The following TIAM1 variants were observed in gnomAD, a reference collection of about 807,000 sequenced individuals.
TIAM1 encodes rho guanine nucleotide exchange factor TIAM1.
In TIAM1, 65 loss-of-function variants were observed where a neutral mutation model predicts 163.5. The observed-to-expected ratio is 0.40, with a 90% CI of 0.33 to 0.49. The LOEUF is 0.49. Among genes scored for constraint, TIAM1 ranks in the 20% least tolerant of loss-of-function variants. The pLI is 0.77. For missense variants in TIAM1, 1,789 were observed against 2,044.7 expected (o/e 0.87, Z 2.41); for synonymous variants, 833 against 810.1 (o/e 1.03, Z -0.48).
intron 1 of TIAM1, among the ~76,000 whole-genome samples, chr21:31,499,201 A>G (rs955233149): frequency 6.6e-6 from 1 of 152,106 alleles, no homozygotes; most frequent in African/African-American, 2.4e-5. Context: ...GGGATGGGGA[A>G]GGTCCTCACC....
At position 31,120,174 on chromosome 21, in the gene TIAM1, T is replaced by C. The variant is rs2070409; in HGVS notation, c.*194A>G. ...GATAGGACTCAAGCTTATTTGGGATTCTGATCAATTCTTTCTGATGTTGTT... is the reference window on the plus strand; with the variant it reads ...GATAGGACTCAAGCTTATTTGGGATCCTGATCAATTCTTTCTGATGTTGTT... On this transcript the variant is annotated 3_prime_UTR_variant, in exon 28 of 28. Transcript: ENST00000541036. The surrounding 1 kb of genome is among the most constrained non-coding windows in gnomAD (Gnocchi z 4.2). 265,035 of 558,646 alleles carry C rather than the reference T, an allele frequency of 0.47. 65,031 individuals are homozygous for C. Among genetic ancestry groups the C allele is most frequent in the East Asian group, 0.68 (23,492 of 34,476 alleles). 34.6% of individuals were successfully genotyped at this position (558,646 alleles called of 1,614,324 possible).
At chr21:31,245,738 T>C in intron 5 of TIAM1, 78 bp from the exon 6 acceptor site, 2 of 1,254,628 alleles carry the variant, frequency 1.6e-6, no homozygotes, top group Non-Finnish European at 2.0e-6. Flanking sequence ...ACCTAACATG[T>C]GCACCCTGTC....
intron 16 of TIAM1, among the ~76,000 whole-genome samples, chr21:31,159,322 G>C (rs2083783958): frequency 6.6e-6 from 1 of 152,078 alleles, no homozygotes; most frequent in African/African-American, 2.4e-5. Context: ...TCCTCCTGTG[G>C]AAGATGAAAA....
intron 2 of TIAM1, among the ~76,000 whole-genome samples, chr21:31,438,146 CCA>C (rs2044278530): frequency 6.7e-6 from 1 of 149,222 alleles, no homozygotes; most frequent in South Asian, 2.1e-4. Flanking sequence ...TGTTACTAGG[CCA>C]CACATACATA....
At chr21:31,492,814 C>T (rs1024839111) in intron 1 of TIAM1, among the ~76,000 whole-genome samples, 2 of 125,052 alleles carry the variant, frequency 1.6e-5, no homozygotes, top group African/African-American at 3.4e-5. Flanking sequence ...CACACACACA[C>T]ACACACACAC....
At chr21:31,277,695 G>A (rs373078628) in intron 2 of TIAM1, among the ~76,000 whole-genome samples, 19 of 151,712 alleles carry the variant, frequency 1.3e-4, no homozygotes, top group African/African-American at 4.4e-4. Context: ...AGCAACCCTC[G>A]GGGCTGCTCT....
In TIAM1 at chr21:31,118,714, TACA is replaced by T. The variant is rs1393281724; in HGVS notation, c.*1651_*1653del. 6.4e-6 allele frequency: 3 copies of T among 465,448 alleles called. No homozygotes were observed. Among genetic ancestry groups the T allele is most frequent in the Non-Finnish European group, 1.3e-5 (3 of 225,400 alleles). The allele number at this position is 465,448 out of a possible 1,614,324, so 28.8% of individuals were successfully genotyped here. ...GAGATGATATGGAAAAATGCAGTGA[TACA>T]AAGGGTATAGAAACCATTCTAAAGC... On this transcript the variant is annotated 3_prime_UTR_variant, in exon 28 of 28. Coordinates refer to ENST00000541036, the MANE Select transcript of TIAM1 (RefSeq NM_001353694.2).
At chr21:31,528,878 T>A (rs1217815152) in intron 1 of TIAM1, among the ~76,000 whole-genome samples, 1 of 151,506 alleles carries the variant, frequency 6.6e-6, no homozygotes, top group African/African-American at 2.4e-5. Flanking sequence ...TATCATATCC[T>A]TTCAGGAAAC....
intron 1 of TIAM1, among the ~76,000 whole-genome samples, chr21:31,538,787 G>C: frequency 6.6e-6 from 1 of 152,206 alleles, no homozygotes. Flanking sequence ...AAGCAAGCGG[G>C]GAGGGGTCCC....
At chr21:31,434,586 T>A (rs1285859578) in intron 2 of TIAM1, among the ~76,000 whole-genome samples, 1 of 152,268 alleles carries the variant, frequency 6.6e-6, no homozygotes, top group Admixed American at 6.5e-5. Context: ...GTTAAACTTT[T>A]AAAAATTCAG....
At chr21:31,545,089 G>A (rs1188255620) in intron 1 of TIAM1, among the ~76,000 whole-genome samples, 2 of 152,174 alleles carry the variant, frequency 1.3e-5, no homozygotes, top group Non-Finnish European at 1.5e-5. Context: ...GGTCTTTGCA[G>A]ATATAATCAA....
Position 31,395,655 on chromosome 21 carries a change from G to A in TIAM1, c.-368-56233C>T, listed in dbSNP as rs1218051318. On this transcript the variant is annotated intron_variant, in intron 2 of 28. Transcript: ENST00000286827. The surrounding 1 kb of genome is among the most constrained non-coding windows in gnomAD (Gnocchi z 7.5). ...AGAGGGCATGGGGGTAGTAAAAGGT[G>A]CTGGACGAGAGAATAAATATTGACT... Among the ~76,000 whole-genome samples, 1 of 152,182 alleles carries A rather than the reference G, an allele frequency of 6.6e-6. No homozygotes were observed. Among genetic ancestry groups the A allele is most frequent in the African/African-American group, 2.4e-5 (1 of 41,452 alleles).
chr21:31,156,695 A>G (rs766545350), intron 16 of TIAM1, among the ~76,000 whole-genome samples: 5 of 152,194 alleles, frequency 3.3e-5, no homozygotes, highest in Admixed American at 6.5e-5. Flanking sequence ...TGTAATAGAA[A>G]ACTCATTATA....
intron 2 of TIAM1, among the ~76,000 whole-genome samples, chr21:31,399,624 T>A (rs1402389176): frequency 6.6e-6 from 1 of 152,206 alleles, no homozygotes; most frequent in African/African-American, 2.4e-5. Context: ...TTGAGATATA[T>A]GTTATAGCCC....
At chr21:31,307,761 C>T (rs1328534637) in intron 2 of TIAM1, among the ~76,000 whole-genome samples, 1 of 152,014 alleles carries the variant, frequency 6.6e-6, no homozygotes, top group African/African-American at 2.4e-5. Context: ...GGAGAGGGGC[C>T]ATTATCTCAT....
chr21:31,547,157 C>G (rs1440353783), intron 1 of TIAM1, among the ~76,000 whole-genome samples: 1 of 152,144 alleles, frequency 6.6e-6, no homozygotes, highest in Non-Finnish European at 1.5e-5. Flanking sequence ...TTAGCCCTTC[C>G]CACTCTAATA....
intron 2 of TIAM1, among the ~76,000 whole-genome samples, chr21:31,434,871 T>G (rs939284665): frequency 1.3e-5 from 2 of 152,200 alleles, no homozygotes; most frequent in African/African-American, 2.4e-5. Context: ...TGCCAACAAG[T>G]GACCTCTGGC....
At chr21:31,168,574 G>A (rs1433796465) in intron 15 of TIAM1, among the ~76,000 whole-genome samples, 2 of 152,084 alleles carry the variant, frequency 1.3e-5, no homozygotes, top group African/African-American at 4.8e-5. Flanking sequence ...CTAATTTTTT[G>A]TATTTTTAGT....
intron 2 of TIAM1, among the ~76,000 whole-genome samples, chr21:31,448,622 A>AC (rs1240916434): frequency 1.3e-5 from 2 of 151,132 alleles, no homozygotes; most frequent in South Asian, 2.1e-4. Context: ...AAAAAAAAAA[A>AC]AAAACAAGAA....
Sources: gnomAD v4.1 joint callset for allele counts (sites outside exome capture counted in the v4.1 genomes callset) on GRCh38, gnomAD v4.1.1 for gene constraint, Gnocchi (gnomAD v3.1) non-coding constraint, MANE v1.5 for transcripts, NCBI Gene and HGNC (gene_info 2026-07-23, HGNC 2026-07-21) for gene names.